Variants in TAFA4 observed in about 807,000 individuals in gnomAD.
TAFA4 encodes the protein chemokine-like protein TAFA-4.
TAFA4 carries 20 observed loss-of-function variants against 21.1 expected under a neutral mutation model. The observed-to-expected ratio is 0.95, with a 90% CI of 0.67 to 1.38. The LOEUF (loss-of-function observed/expected upper bound fraction) is 1.38, where lower values mean the gene tolerates loss of function less well. Among genes scored for constraint, TAFA4 ranks in the 40% most tolerant of loss-of-function variants. TAFA4 has a pLI of 0.00. For synonymous variants in TAFA4, 71 were observed against 67.4 expected (o/e 1.05, Z -0.26); for missense variants, 211 against 180.9 (o/e 1.17, Z -0.95).
At chr3:68,817,998 T>C (rs1450692523) in intron 3 of TAFA4, among the ~76,000 whole-genome samples, 1 of 152,198 alleles carries the variant, frequency 6.6e-6, no homozygotes, top group Non-Finnish European at 1.5e-5. Context: ...TAGCAGTGAC[T>C]ACTTTCTAGC....
At position 68,827,239 on chromosome 3, in the gene TAFA4, T is replaced by A. The variant is rs373445191; in HGVS notation, c.130+53491A>T. Among the ~76,000 whole-genome samples, 18 of 152,310 alleles carry A rather than the reference T, an allele frequency of 1.2e-4. No individual in the cohort carries two copies. In the East Asian group the frequency reaches 3.3e-3, roughly 28 times the overall value. Reference sequence around the variant, plus strand: ...CTCATCCTTTTTTATGGCTGCATAGTATTTCATGGCGTGTATGTGCCACAT... The same window carrying A: ...CTCATCCTTTTTTATGGCTGCATAGAATTTCATGGCGTGTATGTGCCACAT... On this transcript the variant is annotated intron_variant, in intron 3 of 5. Transcript: ENST00000295569.
intron 3 of TAFA4, among the ~76,000 whole-genome samples, chr3:68,840,968 T>C (rs1352660608): frequency 6.6e-6 from 1 of 152,204 alleles, no homozygotes; most frequent in Non-Finnish European, 1.5e-5. Flanking sequence ...ACCAATACGA[T>C]AGCACTATAA....
At chr3:68,880,442 C>T (rs1360690606) in intron 3 of TAFA4, among the ~76,000 whole-genome samples, 1 of 151,600 alleles carries the variant, frequency 6.6e-6, no homozygotes, top group Admixed American at 6.6e-5. Flanking sequence ...ACACACACGC[C>T]AACCACACAA....
intron 1 of TAFA4, among the ~76,000 whole-genome samples, chr3:68,910,230 T>A (rs2107002604): frequency 6.6e-6 from 1 of 152,330 alleles, no homozygotes; most frequent in East Asian, 1.9e-4. Context: ...TCCACCCATC[T>A]CAAGGGGAGG....
At chr3:68,911,719 T>C (rs544085483) in intron 1 of TAFA4, among the ~76,000 whole-genome samples, 2 of 152,184 alleles carry the variant, frequency 1.3e-5, no homozygotes, top group Non-Finnish European at 2.9e-5. Context: ...GAGGGAAAAC[T>C]GCTTAATTTA....
chr3:68,857,143 G>C (rs1705088789), intron 3 of TAFA4, among the ~76,000 whole-genome samples: 1 of 152,110 alleles, frequency 6.6e-6, no homozygotes, highest in Non-Finnish European at 1.5e-5. Context: ...TCGAAATGTG[G>C]CAATCAGATT....
In TAFA4 at chr3:68,773,896, G is replaced by T. The variant is rs144745820; in HGVS notation, c.131-20878C>A. On this transcript the variant is annotated intron_variant, in intron 3 of 5. Coordinates refer to ENST00000295569, the MANE Select transcript of TAFA4 (RefSeq NM_182522.5). ...GCAATAAAAAAAACTTATAGCAAGC[G>T]TGAGACTTACTCAAGCAGTAACCAA... Among the ~76,000 whole-genome samples the T allele has an allele frequency of 4.6e-5, 7 of 152,146 alleles. No homozygotes were observed. The East Asian group carries it at 1.2e-3, about 25-fold the overall frequency.
chr3:68,814,846 G>A (rs954920271), intron 3 of TAFA4, among the ~76,000 whole-genome samples: 24 of 152,144 alleles, frequency 1.6e-4, no homozygotes, highest in Admixed American at 3.3e-4. Flanking sequence ...AAAACAGCCC[G>A]CATTGCCAAG....
chr3:68,868,450 T>G (rs1307321896), intron 3 of TAFA4, among the ~76,000 whole-genome samples: 4 of 152,062 alleles, frequency 2.6e-5, no homozygotes, highest in Non-Finnish European at 5.9e-5. Context: ...AAAATACACC[T>G]TCTTCTCATC....
chr3:68,922,287 A>G (rs112608448), intron 1 of TAFA4, among the ~76,000 whole-genome samples: 1,690 of 152,208 alleles, frequency 0.011, 31 homozygotes, highest in African/African-American at 0.039. Flanking sequence ...TGAATCACAA[A>G]CTCTTGAGGT....
chr3:68,784,514 G>GTTACAGA (rs1703213244), intron 3 of TAFA4, among the ~76,000 whole-genome samples: 1 of 152,024 alleles, frequency 6.6e-6, no homozygotes, highest in Admixed American at 6.6e-5. Flanking sequence ...TTAAGGCGGT[G>GTTACAGA]CCTCTGGAGT....
At chr3:68,882,006 C>T (rs996448330) in intron 2 of TAFA4, among the ~76,000 whole-genome samples, 1 of 152,186 alleles carries the variant, frequency 6.6e-6, no homozygotes, top group African/African-American at 2.4e-5. Flanking sequence ...TCTCACAATT[C>T]CGTCAAATAG....
chr3:68,870,679 C>T (rs1236617055), intron 3 of TAFA4, among the ~76,000 whole-genome samples: 3 of 151,956 alleles, frequency 2.0e-5, no homozygotes, highest in African/African-American at 4.8e-5. Context: ...ATCAGCCAAC[C>T]GTCTAGGTTT....
intron 1 of TAFA4, among the ~76,000 whole-genome samples, chr3:68,924,530 G>A (rs552809196): frequency 2.0e-4 from 31 of 152,272 alleles, no homozygotes; most frequent in Admixed American, 1.9e-3. Flanking sequence ...TTTGCACCAC[G>A]AAAAAGGTTC....
rs1702298543 is a variant in TAFA4 at position 68,739,108 on chromosome 3, G to C, written c.378C>G (p.Ser126=). The change falls in exon 5 of 6, where the codon TCC becomes TCG. Residue 126 remains serine (S), a synonymous_variant. Coordinates refer to ENST00000295569, the MANE Select transcript of TAFA4 (RefSeq NM_182522.5). The part of the protein sequence containing the change: ...CKVLPDYSGW[S]CSSGNKVKTT... The stretch of plus-strand genomic sequence containing the variant: ...TTTTGACTTTATTGCCACTGCTACA[G>C]GACCAACCTGAGTAATCTGGCAGCA... The C allele has an allele frequency of 4.3e-6, 7 of 1,613,788 alleles. No individual in the cohort carries two copies. In the South Asian group the frequency reaches 7.7e-5, roughly 18 times the overall value.
At chr3:68,763,284 T>A (rs954184796) in intron 3 of TAFA4, among the ~76,000 whole-genome samples, 2 of 152,222 alleles carry the variant, frequency 1.3e-5, no homozygotes, top group East Asian at 1.9e-4. Context: ...AAATGGAGGA[T>A]GATATATTAG....
At chr3:68,744,052 T>C (rs1487054110) in intron 4 of TAFA4, among the ~76,000 whole-genome samples, 1 of 152,254 alleles carries the variant, frequency 6.6e-6, no homozygotes, top group Non-Finnish European at 1.5e-5. Context: ...CAGAGCTTAG[T>C]TGTATTTACA....
At chr3:68,762,080 G>A (rs1031035652) in intron 3 of TAFA4, among the ~76,000 whole-genome samples, 8 of 151,762 alleles carry the variant, frequency 5.3e-5, no homozygotes, top group South Asian at 2.1e-4. Context: ...CATTATTGGC[G>A]TATGTATCTA....
chr3:68,832,632 A>G (rs536869162), intron 3 of TAFA4, among the ~76,000 whole-genome samples: 21 of 152,346 alleles, frequency 1.4e-4, no homozygotes, highest in African/African-American at 4.3e-4. Flanking sequence ...GTCAGGCTAC[A>G]TGGGGGTCAG....
Sources: allele counts gnomAD v4.1 joint callset (sites outside exome capture counted in the v4.1 genomes callset), GRCh38; gene constraint gnomAD v4.1.1; transcripts MANE v1.5; gene names NCBI Gene and HGNC (gene_info 2026-07-23, HGNC 2026-07-21).